SEM1: variants seen among roughly 807,000 people sequenced by gnomAD.
SEM1 encodes SEM1 26S proteasome subunit, also known as 26S proteasome complex subunit SEM1.
SEM1 carries 3 observed loss-of-function variants against 12.7 expected under a neutral mutation model. The observed-to-expected ratio is 0.24, with a 90% CI of 0.11 to 0.61. The LOEUF (loss-of-function observed/expected upper bound fraction) is 0.61. Ranked by LOEUF, SEM1 falls within the 20% of genes least tolerant of loss-of-function variation. The pLI is 0.88. For missense variants in SEM1, 59 were observed against 81.3 expected (o/e 0.73, Z 1.06); for synonymous variants, 30 against 27.8 (o/e 1.08, Z -0.25).
Position 96,505,165 on chromosome 7 carries a change from C to T in SEM1, c.*60+1458G>A, listed in dbSNP as rs979866210. On this transcript the variant is annotated intron_variant and NMD_transcript_variant, in intron 3 of 3. Coordinates refer to the SEM1 transcript ENST00000466986. Reference sequence around the variant, plus strand: ...TCCCCCAGGCTGGAGTGCAGTGGTGCCATCTCAGCTCACTGCAACCTCGCC... The same window carrying T: ...TCCCCCAGGCTGGAGTGCAGTGGTGTCATCTCAGCTCACTGCAACCTCGCC... Among the ~76,000 whole-genome samples the T allele has an allele frequency of 2.6e-5, 4 of 151,854 alleles. No homozygotes were observed. In the East Asian group the frequency reaches 5.8e-4, roughly 22 times the overall value.
At chr7:96,678,085 CTCA>C (rs1789503710) in intron 2 of SEM1, among the ~76,000 whole-genome samples, 1 of 152,106 alleles carries the variant, frequency 6.6e-6, no homozygotes, top group South Asian at 2.1e-4. Context: ...GTTATTTGTT[CTCA>C]TCCTTTCTTT....
At chr7:96,613,490 A>T (rs992078778) in intron 2 of SEM1, among the ~76,000 whole-genome samples, 2 of 152,246 alleles carry the variant, frequency 1.3e-5, no homozygotes, top group Non-Finnish European at 2.9e-5. Context: ...AAAATAATCA[A>T]ATCAGGCTAA....
chr7:96,494,185 T>G (rs931314006), intron 1 of SEM1, among the ~76,000 whole-genome samples: 2 of 152,306 alleles, frequency 1.3e-5, no homozygotes, highest in African/African-American at 4.8e-5. Flanking sequence ...CTTATGCATC[T>G]TTTGCATTGT....
intron 2 of SEM1, among the ~76,000 whole-genome samples, chr7:96,570,906 A>C (rs982023196): frequency 6.6e-6 from 1 of 150,994 alleles, no homozygotes; most frequent in Non-Finnish European, 1.5e-5. Flanking sequence ...AACTGGCATG[A>C]GATGGTATCT....
chr7:96,497,281 A>T (rs550798311), upstream of SEM1, among the ~76,000 whole-genome samples: 1 of 152,210 alleles, frequency 6.6e-6, no homozygotes, highest in African/African-American at 2.4e-5. Context: ...TTTAGGGAAA[A>T]TTTTAATTTA....
At chr7:96,525,946 C>T (rs910858930) in intron 2 of SEM1, among the ~76,000 whole-genome samples, 1 of 152,034 alleles carries the variant, frequency 6.6e-6, no homozygotes, top group African/African-American at 2.4e-5. Context: ...GTCCCTGGTG[C>T]CAAAAAGGTT....
At chr7:96,632,353 A>G (rs928935949) in intron 2 of SEM1, among the ~76,000 whole-genome samples, 1 of 152,182 alleles carries the variant, frequency 6.6e-6, no homozygotes, top group African/African-American at 2.4e-5. Context: ...GCACATATAC[A>G]CCATGGAATA....
chr7:96,526,611 G>A (rs778975689), intron 2 of SEM1, among the ~76,000 whole-genome samples: 12 of 152,210 alleles, frequency 7.9e-5, no homozygotes, highest in Non-Finnish European at 1.6e-4. Context: ...TTCCTTGGAG[G>A]CAACTTTCCA....
chr7:96,684,569 G>C (rs529953083), downstream of SEM1, among the ~76,000 whole-genome samples: 1 of 152,056 alleles, frequency 6.6e-6, no homozygotes, highest in African/African-American at 2.4e-5. Context: ...ATGCATTTGA[G>C]GCAGAGTTGA....
At chr7:96,520,695 T>C (rs1359972460) in intron 2 of SEM1, among the ~76,000 whole-genome samples, 3 of 152,056 alleles carry the variant, frequency 2.0e-5, no homozygotes, top group Non-Finnish European at 2.9e-5. Context: ...AGAAAAGCCA[T>C]CCTCTACCTC....
downstream of SEM1, chr7:96,621,990 C>T (rs1221931792): frequency 6.6e-6 from 1 of 152,302 alleles, no homozygotes; most frequent in Non-Finnish European, 1.5e-5. Flanking sequence ...AACAAAGAAA[C>T]ATGACCAGTT....
At chr7:96,516,730 G>A (rs1804106739) in intron 2 of SEM1, among the ~76,000 whole-genome samples, 1 of 152,114 alleles carries the variant, frequency 6.6e-6, no homozygotes, top group Admixed American at 6.6e-5. Context: ...TCACACTCTG[G>A]TATTTATCTA....
intron 2 of SEM1, among the ~76,000 whole-genome samples, chr7:96,541,099 T>C (rs1394333282): frequency 6.6e-6 from 1 of 151,886 alleles, no homozygotes; most frequent in Admixed American, 6.6e-5. Flanking sequence ...TGGGTACATA[T>C]TCAGTAATGA....
chr7:96,707,019 T>C (rs1454645817), intron 1 of SEM1, among the ~76,000 whole-genome samples: 1 of 152,216 alleles, frequency 6.6e-6, no homozygotes, highest in East Asian at 1.9e-4. Flanking sequence ...AAAACTCAAA[T>C]ACCAAAAGAT....
At chr7:96,610,953 G>A (rs1202576694) in intron 2 of SEM1, among the ~76,000 whole-genome samples, 2 of 152,164 alleles carry the variant, frequency 1.3e-5, no homozygotes, top group Non-Finnish European at 1.5e-5. Context: ...ATTTGCCTAA[G>A]GGTAGGTCCA....
intron 2 of SEM1, among the ~76,000 whole-genome samples, chr7:96,516,936 CAT>C (rs1235819215): frequency 6.6e-6 from 1 of 152,060 alleles, no homozygotes; most frequent in Non-Finnish European, 1.5e-5. Flanking sequence ...GTGGAAGAAA[CAT>C]AAATGCATAT....
At chr7:96,683,910 G>A (rs1013142260), downstream of SEM1, among the ~76,000 whole-genome samples, 8 of 152,076 alleles carry the variant, frequency 5.3e-5, no homozygotes, top group Non-Finnish European at 1.0e-4. Context: ...ATAGCATTAG[G>A]AGAAATACCT....
intron 2 of SEM1, among the ~76,000 whole-genome samples, chr7:96,534,160 C>T (rs544377493): frequency 3.2e-4 from 48 of 152,080 alleles, no homozygotes; most frequent in African/African-American, 9.4e-4. Flanking sequence ...GTTTGGCAGA[C>T]ATTTTGTCAA....
chr7:96,505,670 A>C (rs1803733660), intron 3 of SEM1, among the ~76,000 whole-genome samples: 1 of 152,156 alleles, frequency 6.6e-6, no homozygotes, highest in South Asian at 2.1e-4. Context: ...GGGAAGTCCA[A>C]GACGAGAGTA....
Sources: allele counts gnomAD v4.1 joint callset (sites outside exome capture counted in the v4.1 genomes callset), GRCh38; gene constraint gnomAD v4.1.1; transcripts MANE v1.5; gene names NCBI Gene and HGNC (gene_info 2026-07-23, HGNC 2026-07-21).